The following CMSS1 variants were observed in gnomAD, a reference collection of about 807,000 sequenced individuals.
The protein encoded by CMSS1 is protein CMSS1.
In CMSS1, 33 loss-of-function variants were observed where a neutral mutation model predicts 43.5. That is an observed-to-expected ratio of 0.76 (90% CI 0.57 to 1.01). The LOEUF is 1.01. Among genes scored for constraint, CMSS1 ranks in the 50% least tolerant of loss-of-function variants. CMSS1 has a pLI of 0.00. For synonymous variants in CMSS1, 115 were observed against 117.2 expected, an observed-to-expected ratio of 0.98 and a Z score of 0.12; for missense variants, 313 against 326.4, an observed-to-expected ratio of 0.96 and a Z score of 0.32.
In CMSS1 at chr3:100,172,030, T is replaced by C; in HGVS notation, c.579+131T>C. 4 of 756,068 alleles carry C rather than the reference T, an allele frequency of 5.3e-6. No individual in the cohort carries two copies. In the South Asian group the frequency reaches 7.4e-5, roughly 14 times the overall value. The allele number at this position is 756,068 out of a possible 1,614,324, so 46.8% of individuals were successfully genotyped here. On this transcript the variant is annotated intron_variant, in intron 7 of 9. Transcript: ENST00000421999. Reference sequence around the variant, plus strand: ...TCCTTATGTAACATTTAACAACTTTTCTGGTTTTTTAAATTCTATGCTTCT... The same window carrying C: ...TCCTTATGTAACATTTAACAACTTTCCTGGTTTTTTAAATTCTATGCTTCT...
At chr3:99,941,353 A>G (rs191142898) in intron 1 of CMSS1, among the ~76,000 whole-genome samples, 2 of 152,360 alleles carry the variant, frequency 1.3e-5, no homozygotes, top group East Asian at 1.9e-4. Context: ...TCAATGCACA[A>G]AGTGTTTTGG....
chr3:99,985,727 T>C (rs1458834311), intron 1 of CMSS1, among the ~76,000 whole-genome samples: 1 of 152,034 alleles, frequency 6.6e-6, no homozygotes, highest in Non-Finnish European at 1.5e-5. Flanking sequence ...TAAATGGGAT[T>C]ACAGGCACCT....
At chr3:100,079,624 T>C (rs1396434524) in intron 1 of CMSS1, among the ~76,000 whole-genome samples, 1 of 152,222 alleles carries the variant, frequency 6.6e-6, no homozygotes, top group African/African-American at 2.4e-5. Flanking sequence ...GGAATCAGAA[T>C]CCTCTTTCAA....
intron 1 of CMSS1, chr3:100,115,116 G>T: frequency 2.9e-6 from 2 of 688,564 alleles, no homozygotes; most frequent in African/African-American, 1.8e-5. Flanking sequence ...AGGATCACTT[G>T]TTCAGATTGA....
intron 1 of CMSS1, among the ~76,000 whole-genome samples, chr3:100,087,832 CTTT>C (rs755041519): frequency 6.1e-5 from 7 of 114,114 alleles, no homozygotes; most frequent in Admixed American, 9.6e-5. Context: ...ATTGTTTCAA[CTTT>C]TTTTTTTTTT....
chr3:100,093,441 T>A (rs1000075081), intron 1 of CMSS1, among the ~76,000 whole-genome samples: 1 of 152,124 alleles, frequency 6.6e-6, no homozygotes, highest in African/African-American at 2.4e-5. Flanking sequence ...ACAAAAAATA[T>A]ATACTTTTTT....
chr3:99,928,822 G>C (rs1425814472), intron 1 of CMSS1, among the ~76,000 whole-genome samples: 1 of 152,162 alleles, frequency 6.6e-6, no homozygotes, highest in Admixed American at 6.5e-5. Flanking sequence ...TCACTTGAAT[G>C]CAGCTCTGGT....
At chr3:99,876,168 C>G (rs1221693224) in intron 1 of CMSS1, 1 of 985,484 alleles carries the variant, frequency 1.0e-6, no homozygotes, top group Non-Finnish European at 1.2e-6. Context: ...GTCGCCCGAA[C>G]AATGCGAGCG....
intron 1 of CMSS1, among the ~76,000 whole-genome samples, chr3:100,036,327 C>A (rs2065107274): frequency 6.6e-6 from 1 of 152,066 alleles, no homozygotes; most frequent in South Asian, 2.1e-4. Flanking sequence ...AAAAGATGAG[C>A]CTGGAACATC....
At chr3:99,930,747 G>C (rs760548065) in intron 1 of CMSS1, 7 of 1,610,518 alleles carry the variant, frequency 4.3e-6, no homozygotes, top group Middle Eastern at 1.7e-4. Context: ...AGCATGATGG[G>C]GATAACTCCA....
intron 1 of CMSS1, among the ~76,000 whole-genome samples, chr3:100,115,661 A>C (rs1381505969): frequency 9.9e-6 from 1 of 100,718 alleles, no homozygotes; most frequent in Non-Finnish European, 2.1e-5. Context: ...TCCACCCGTG[A>C]GTTTATTTTG....
chr3:99,829,584 T>C (rs984268211), intron 1 of CMSS1, among the ~76,000 whole-genome samples: 1 of 152,356 alleles, frequency 6.6e-6, no homozygotes, highest in South Asian at 2.1e-4. Flanking sequence ...CGTTGTCACA[T>C]GAATGAAAAT....
intron 1 of CMSS1, among the ~76,000 whole-genome samples, chr3:99,980,135 A>C (rs1373827962): frequency 2.6e-5 from 4 of 152,292 alleles, no homozygotes; most frequent in Middle Eastern, 3.4e-3. Context: ...CTATATAGTG[A>C]GACATGCAGT....
At chr3:99,937,526 A>G (rs777611030) in intron 1 of CMSS1, among the ~76,000 whole-genome samples, 1 of 152,226 alleles carries the variant, frequency 6.6e-6, no homozygotes, top group Non-Finnish European at 1.5e-5. Context: ...CAGCTCCAAC[A>G]TGTTAGCTCT....
chr3:99,825,648 C>T (rs189584976), intron 1 of CMSS1, among the ~76,000 whole-genome samples: 22 of 152,224 alleles, frequency 1.4e-4, no homozygotes, highest in African/African-American at 5.1e-4. Flanking sequence ...TGCTAAATGT[C>T]CATGAATCTC....
rs141348123 is a variant in CMSS1, at chr3:99,963,152, G to A, written c.64+145109G>A. On this transcript the variant is annotated intron_variant, in intron 1 of 9. Transcript: ENST00000421999. Reference sequence around the variant, plus strand: ...GATAACAGTGCACCAGAGAAAGTTCGAAATGCTCTTACTCTTAGGGAAACC... The same window carrying A: ...GATAACAGTGCACCAGAGAAAGTTCAAAATGCTCTTACTCTTAGGGAAACC... 1.3e-3 allele frequency among the ~76,000 whole-genome samples: 195 copies of A among 152,296 alleles called. 2 individuals are homozygous for A. In the South Asian group the frequency reaches 0.024, roughly 19 times the overall value.
intron 1 of CMSS1, among the ~76,000 whole-genome samples, chr3:100,013,694 G>T (rs181600740): frequency 5.9e-5 from 9 of 152,114 alleles, no homozygotes; most frequent in Admixed American, 5.2e-4. Context: ...TTTTATTAAG[G>T]TTTAGTTGGC....
intron 1 of CMSS1, among the ~76,000 whole-genome samples, chr3:99,900,655 C>T (rs888294258): frequency 2.6e-5 from 4 of 152,212 alleles, no homozygotes; most frequent in African/African-American, 9.7e-5. Context: ...CCATAAAGTA[C>T]CAAATGGGCT....
intron 1 of CMSS1, among the ~76,000 whole-genome samples, chr3:100,077,078 G>C (rs2065861662): frequency 1.3e-5 from 2 of 152,200 alleles, no homozygotes; most frequent in Admixed American, 1.3e-4. Flanking sequence ...ATTCCGGTTA[G>C]GTCTCCCAAG....
Sources: gnomAD v4.1 joint callset for allele counts (sites outside exome capture counted in the v4.1 genomes callset) on GRCh38, gnomAD v4.1.1 for gene constraint, MANE v1.5 for transcripts, NCBI Gene and HGNC (gene_info 2026-07-23, HGNC 2026-07-21) for gene names.